Variants in FIG4 observed in about 807,000 individuals in gnomAD.
The protein encoded by FIG4 is polyphosphoinositide phosphatase.
Under a neutral mutation model 118.6 loss-of-function variants are expected in FIG4, and 112 were observed. The ratio of observed to expected loss-of-function variants is 0.94; its 90% confidence interval spans 0.81 to 1.11. FIG4 has a LOEUF of 1.11. Ranked by LOEUF, FIG4 falls within the 50% of genes least tolerant of loss-of-function variation. The pLI is 0.00. For missense variants in FIG4, 969 were observed against 1,111.7 expected, an observed-to-expected ratio of 0.87 and a Z score of 1.83; for synonymous variants, 369 against 381.2, an observed-to-expected ratio of 0.97 and a Z score of 0.37.
At chr6:109,759,308 C>T (rs1159373194) in intron 10 of FIG4, among the ~76,000 whole-genome samples, 3 of 151,864 alleles carry the variant, frequency 2.0e-5, no homozygotes, top group South Asian at 4.2e-4. Flanking sequence ...GATGGAACTA[C>T]CTAATGTAGA....
intron 1 of FIG4, among the ~76,000 whole-genome samples, chr6:109,693,809 C>G (rs1303969912): frequency 6.6e-6 from 1 of 151,928 alleles, no homozygotes; most frequent in African/African-American, 2.4e-5. Context: ...GGCTGGGCAA[C>G]CACCCTTGAA....
At chr6:109,802,171 T>G (rs959403448) in intron 22 of FIG4, among the ~76,000 whole-genome samples, 2 of 152,230 alleles carry the variant, frequency 1.3e-5, no homozygotes, top group Non-Finnish European at 2.9e-5. Flanking sequence ...TTCTTTTCTC[T>G]TTTCCTTTAC....
At chr6:109,738,583 A>G in intron 7 of FIG4, 130 bp downstream of exon 7, 2 of 820,126 alleles carry the variant, frequency 2.4e-6, no homozygotes, top group South Asian at 2.8e-5. Context: ...CCTGCCCATG[A>G]TACTATGTAG....
chr6:109,747,786 AATT>A (rs1286421696), intron 10 of FIG4, among the ~76,000 whole-genome samples: 3 of 152,088 alleles, frequency 2.0e-5, no homozygotes, highest in Admixed American at 6.6e-5. Flanking sequence ...TACATAGTAG[AATT>A]ATTATTTTAT....
chr6:109,735,180 A>C lies in FIG4; in HGVS notation c.528A>C (p.Gln176His). ...GCTATGATTTGTCCCACTCACTTCA[A>C]TATAATCTCACTGTCTTGCGAATGC... ...SYSYDLSHSL[Q>H]YNLTVLRMPL... Residue 176 changes from glutamine to histidine, a missense_variant, in exon 6 of 23, where the codon CAA becomes CAC. Gln to His is a conservative substitution (Grantham distance 24, BLOSUM62 0). Coordinates refer to ENST00000230124, the MANE Select transcript of FIG4 (RefSeq NM_014845.6). 1 of 1,613,086 alleles carries C rather than the reference A, an allele frequency of 6.2e-7. No homozygotes were observed. Among genetic ancestry groups the C allele is most frequent in the South Asian group, 1.1e-5 (1 of 91,076 alleles).
chr6:109,697,704 A>G (rs116931333), intron 1 of FIG4, among the ~76,000 whole-genome samples: 4,134 of 152,312 alleles, frequency 0.027, 74 homozygotes, highest in Non-Finnish European at 0.045. Flanking sequence ...CATGAATACC[A>G]AGAGACAAGA....
At chr6:109,746,119 A>G (rs1018816253) in intron 10 of FIG4, among the ~76,000 whole-genome samples, 1 of 152,196 alleles carries the variant, frequency 6.6e-6, no homozygotes, top group Non-Finnish European at 1.5e-5. Flanking sequence ...ATCTTTGACA[A>G]ACCTGACAAA....
chr6:109,761,854 A>C (rs754902540), intron 11 of FIG4, among the ~76,000 whole-genome samples: 1 of 152,250 alleles, frequency 6.6e-6, no homozygotes, highest in South Asian at 2.1e-4. Context: ...AAGGATCACC[A>C]ATATTTGATA....
chr6:109,691,463 A>G lies in FIG4; in HGVS notation c.28A>G (p.Ser10Gly). The change falls in exon 1 of 23, where the codon AGC (serine) becomes GGC (glycine). Residue 10 changes from serine (S) to glycine (G), a missense_variant. Ser to Gly is a moderately conservative substitution (Grantham distance 56). Coordinates refer to ENST00000230124, the MANE Select transcript of FIG4 (RefSeq NM_014845.6). ...GCCCACGGCCGCCGCCCCCATCATC[A>G]GCTCGGTCCAGAAGCTGGTTCTGTA... is the stretch of plus-strand genomic sequence containing the variant. MPTAAAPII[S>G]SVQKLVLYET... The G allele has an allele frequency of 6.3e-7, 1 of 1,586,628 alleles. No individual in the cohort carries two copies. Among genetic ancestry groups the G allele is most frequent in the Non-Finnish European group, 8.6e-7 (1 of 1,166,378 alleles).
In FIG4 at chr6:109,780,014, C is replaced by G. The variant is rs948497000; in HGVS notation, c.1889+2954C>G. ...GGTCTGACACAGAATAAACCCTGTA[C>G]TGAAGTAGCCAGGCTCTGGAAAGCC... On this transcript the variant is annotated intron_variant, in intron 16 of 22. Transcript: ENST00000230124. 2.0e-5 allele frequency among the ~76,000 whole-genome samples: 3 copies of G among 152,316 alleles called. No individual in the cohort carries two copies. In the South Asian group the frequency reaches 6.2e-4, roughly 32 times the overall value.
At chr6:109,823,423 A>G (rs1779069302) in intron 22 of FIG4, among the ~76,000 whole-genome samples, 2 of 152,188 alleles carry the variant, frequency 1.3e-5, no homozygotes, top group Non-Finnish European at 2.9e-5. Context: ...ATGCAATTGA[A>G]TGTAGTCTCC....
intron 15 of FIG4, among the ~76,000 whole-genome samples, chr6:109,771,026 C>T (rs1014828034): frequency 6.6e-6 from 1 of 152,166 alleles, no homozygotes; most frequent in African/African-American, 2.4e-5. Flanking sequence ...ATGCTGAGAA[C>T]ATTTTAATTT....
At chr6:109,774,748 C>G (rs1472323372) in intron 15 of FIG4, among the ~76,000 whole-genome samples, 2 of 151,844 alleles carry the variant, frequency 1.3e-5, no homozygotes, top group African/African-American at 4.8e-5. Context: ...ATTGTGTGTA[C>G]CTGTTTTTCT....
At chr6:109,721,331 G>A (rs1017507902) in intron 3 of FIG4, among the ~76,000 whole-genome samples, 1 of 152,028 alleles carries the variant, frequency 6.6e-6, no homozygotes. Flanking sequence ...GGGGGGTTTT[G>A]TCCTTCTCTG....
intron 16 of FIG4, among the ~76,000 whole-genome samples, chr6:109,779,842 G>A (rs1433822691): frequency 1.3e-5 from 2 of 152,234 alleles, no homozygotes; most frequent in Admixed American, 1.3e-4. Flanking sequence ...ACGTAGAGCT[G>A]AGTTGGAATT....
intron 1 of FIG4, among the ~76,000 whole-genome samples, chr6:109,710,612 T>A (rs1036334703): frequency 6.6e-6 from 1 of 151,972 alleles, no homozygotes; most frequent in African/African-American, 2.4e-5. Flanking sequence ...GTTGTTGTTG[T>A]CATTTTTTGC....
chr6:109,820,893 AGTGT>A (rs1778987473), intron 22 of FIG4, among the ~76,000 whole-genome samples: 1 of 152,174 alleles, frequency 6.6e-6, no homozygotes, highest in Non-Finnish European at 1.5e-5. Context: ...GCATGATAGC[AGTGT>A]GTGTGCAAGA....
At chr6:109,803,345 G>C (rs1019503514) in intron 22 of FIG4, among the ~76,000 whole-genome samples, 1 of 152,196 alleles carries the variant, frequency 6.6e-6, no homozygotes, top group Non-Finnish European at 1.5e-5. Flanking sequence ...GGTAGAATCT[G>C]TAAGTCTTCT....
At chr6:109,775,386 T>G (rs2128394351) in intron 15 of FIG4, among the ~76,000 whole-genome samples, 1 of 152,322 alleles carries the variant, frequency 6.6e-6, no homozygotes, top group Non-Finnish European at 1.5e-5. Flanking sequence ...AATATTCTTT[T>G]TTTGGCTATG....
Sources: gnomAD v4.1 joint callset for allele counts (sites outside exome capture counted in the v4.1 genomes callset) on GRCh38, gnomAD v4.1.1 for gene constraint, MANE v1.5 for transcripts, NCBI Gene and HGNC (gene_info 2026-07-23, HGNC 2026-07-21) for gene names.